PDE1C: variants seen among roughly 807,000 people sequenced by gnomAD.
The protein encoded by PDE1C is phosphodiesterase 1C.
In PDE1C, 62 loss-of-function variants were observed where a neutral mutation model predicts 93.1. The ratio of observed to expected loss-of-function variants is 0.67; its 90% CI spans 0.54 to 0.82. The LOEUF (loss-of-function observed/expected upper bound fraction) is 0.82. PDE1C is among the 40% of genes least tolerant of loss of function. The probability of loss-of-function intolerance (pLI) is 0.00; values close to 1 mark genes in which losing one functional copy is unlikely to be tolerated. For synonymous variants in PDE1C, 325 were observed against 310.1 expected, an observed-to-expected ratio of 1.05 and a Z score of -0.50; for missense variants, 742 against 884.6, an observed-to-expected ratio of 0.84 and a Z score of 2.04.
At chr7:32,171,444 T>G (rs1386481966) in intron 2 of PDE1C, among the ~76,000 whole-genome samples, 21 of 151,132 alleles carry the variant, frequency 1.4e-4, no homozygotes. Context: ...AGACTTTTTT[T>G]GTCATTATTC....
At chr7:31,847,874 TAAGC>T (rs1351732100) in intron 9 of PDE1C, 90 bp downstream of exon 9, 7 of 1,326,444 alleles carry the variant, frequency 5.3e-6, no homozygotes, top group Admixed American at 3.4e-5. Context: ...ATCAACATTT[TAAGC>T]AAGGTGTTCT....
chr7:32,362,410 GTC>G (rs1203556381), intron 1 of PDE1C, among the ~76,000 whole-genome samples: 3 of 152,118 alleles, frequency 2.0e-5, no homozygotes, highest in Non-Finnish European at 2.9e-5. Flanking sequence ...TCTCAGCCCT[GTC>G]TCTCTCAGTG....
the PDE1C span, among the ~76,000 whole-genome samples, chr7:31,632,881 T>C: frequency 5.7e-4 from 86 of 151,514 alleles, no homozygotes; most frequent in African/African-American, 1.9e-3. Flanking sequence ...TTTATTTATT[T>C]ATTCATTCAT....
intron 2 of PDE1C, among the ~76,000 whole-genome samples, chr7:32,015,209 T>C (rs1787722949): frequency 6.6e-6 from 1 of 151,860 alleles, no homozygotes; most frequent in African/African-American, 2.4e-5. Flanking sequence ...CTTTATAAAT[T>C]ACCCAGTCTC....
At chr7:31,756,087 G>A (rs1179206770) in intron 17 of PDE1C, among the ~76,000 whole-genome samples, 8 of 152,074 alleles carry the variant, frequency 5.3e-5, no homozygotes, top group Admixed American at 2.6e-4. Context: ...CAGGAGAATC[G>A]CTTGAACCTG....
intron 16 of PDE1C, among the ~76,000 whole-genome samples, chr7:31,777,239 T>C (rs1344532037): frequency 1.3e-5 from 2 of 151,600 alleles, no homozygotes; most frequent in African/African-American, 2.4e-5. Context: ...TGGAGGTGAG[T>C]GGGAGAGCGG....
upstream of PDE1C, chr7:32,070,885 C>G (rs1365609985): frequency 3.0e-6 from 3 of 985,650 alleles, no homozygotes; most frequent in Non-Finnish European, 3.6e-6. Flanking sequence ...GGGCCTGACC[C>G]GGACGCCGCG....
At chr7:31,629,813 A>G in the PDE1C span, among the ~76,000 whole-genome samples, 1 of 152,346 alleles carries the variant, frequency 6.6e-6, no homozygotes, top group South Asian at 2.1e-4. Context: ...GAAAGGCCTC[A>G]GGAAATAGAG....
intron 1 of PDE1C, among the ~76,000 whole-genome samples, chr7:32,224,200 C>T (rs1807084131): frequency 6.6e-6 from 1 of 152,168 alleles, no homozygotes; most frequent in African/African-American, 2.4e-5. Flanking sequence ...TGGTGAAACC[C>T]CATCTCTACT....
At chr7:32,008,882 A>G (rs926233829) in intron 2 of PDE1C, among the ~76,000 whole-genome samples, 1 of 152,056 alleles carries the variant, frequency 6.6e-6, no homozygotes, top group African/African-American at 2.4e-5. Flanking sequence ...GTGTAAATCA[A>G]TAGATATTAA....
At chr7:31,883,692 C>T (rs117260063) in intron 2 of PDE1C, among the ~76,000 whole-genome samples, 4,153 of 152,288 alleles carry the variant, frequency 0.027, 67 homozygotes, top group Non-Finnish European at 0.038. Context: ...CTCATATCAC[C>T]TTGTGATCAG....
the PDE1C span, chr7:31,652,544 A>C: frequency 6.2e-7 from 1 of 1,606,136 alleles, no homozygotes; most frequent in African/African-American, 1.3e-5. Context: ...CAGCAGAGCC[A>C]CCTGAACACT....
At chr7:31,652,040 G>A in the PDE1C span, 1 of 1,595,148 alleles carries the variant, frequency 6.3e-7, no homozygotes, top group Admixed American at 1.7e-5. Context: ...ATCAGAGAAG[G>A]GATTTTACTG....
At chr7:32,066,976 G>A (rs1180610579) in intron 1 of PDE1C, among the ~76,000 whole-genome samples, 1 of 152,206 alleles carries the variant, frequency 6.6e-6, no homozygotes, top group Non-Finnish European at 1.5e-5. Flanking sequence ...TGCGTAAGCA[G>A]CATCAGGGCC....
At chr7:31,636,369 T>C in the PDE1C span, among the ~76,000 whole-genome samples, 1 of 152,236 alleles carries the variant, frequency 6.6e-6, no homozygotes, top group Non-Finnish European at 1.5e-5. Flanking sequence ...AGAGGGTTAA[T>C]AGCAAACATT....
At chr7:31,687,262 C>T in the PDE1C span, 1 of 152,338 alleles carries the variant, frequency 6.6e-6, no homozygotes, top group South Asian at 2.1e-4. Context: ...AGCACACACG[C>T]CCTCCCTGTC....
At chr7:32,313,979 AT>A (rs1204549860) in intron 1 of PDE1C, among the ~76,000 whole-genome samples, 1 of 152,144 alleles carries the variant, frequency 6.6e-6, no homozygotes, top group Non-Finnish European at 1.5e-5. Flanking sequence ...AGTAGCTGCT[AT>A]TTTGTATCCT....
intron 1 of PDE1C, among the ~76,000 whole-genome samples, chr7:32,259,248 G>A (rs1810021868): frequency 6.6e-6 from 1 of 152,122 alleles, no homozygotes; most frequent in African/African-American, 2.4e-5. Context: ...GCCAAGGTTG[G>A]GGAGGGGCAG....
intron 1 of PDE1C, among the ~76,000 whole-genome samples, chr7:32,279,004 T>C (rs1173025619): frequency 2.0e-5 from 3 of 152,184 alleles, no homozygotes; most frequent in Non-Finnish European, 2.9e-5. Flanking sequence ...TTACTAAAAA[T>C]CATTGAATTG....
Sources: gnomAD v4.1 joint callset for allele counts (sites outside exome capture counted in the v4.1 genomes callset) on GRCh38, gnomAD v4.1.1 for gene constraint, MANE v1.5 for transcripts, NCBI Gene and HGNC (gene_info 2026-07-23, HGNC 2026-07-21) for gene names.